The following COLEC12 variants were observed in gnomAD, a reference collection of about 807,000 sequenced individuals.
COLEC12 encodes collectin subfamily member 12.
In COLEC12, 33 loss-of-function variants were observed where a neutral mutation model predicts 71.1. The observed-to-expected ratio is 0.46, with a 90% CI of 0.35 to 0.62. The LOEUF (loss-of-function observed/expected upper bound fraction) is 0.62. Ranked by LOEUF, COLEC12 falls within the 20% of genes least tolerant of loss-of-function variation. The pLI, the probability that COLEC12 is intolerant of heterozygous loss-of-function variation, is 0.00. For synonymous variants in COLEC12, 350 were observed against 353.0 expected, an observed-to-expected ratio of 0.99 and a Z score of 0.10; for missense variants, 765 against 916.1, an observed-to-expected ratio of 0.84 and a Z score of 2.13.
chr18:337,469 G>A (rs558660981), intron 5 of COLEC12, among the ~76,000 whole-genome samples: 25 of 152,304 alleles, frequency 1.6e-4, no homozygotes, highest in Admixed American at 2.6e-4. Flanking sequence ...ATTTGCTTAC[G>A]TAAGGCTACC....
chr18:481,670 C>T (rs980597483), intron 1 of COLEC12, among the ~76,000 whole-genome samples: 12 of 152,062 alleles, frequency 7.9e-5, no homozygotes, highest in African/African-American at 2.7e-4. Context: ...TGCCATTGAA[C>T]TCCAGCCTGG....
At chr18:484,071 C>A (rs574064605) in intron 1 of COLEC12, among the ~76,000 whole-genome samples, 1 of 152,186 alleles carries the variant, frequency 6.6e-6, no homozygotes, top group Non-Finnish European at 1.5e-5. Context: ...CAAACAGCTT[C>A]AAATTTCCCA....
rs374749066 is a variant in COLEC12, at chr18:480,108, C to T, written c.58+599G>A. ...TTACAAGGACGCTTGTGATGGCTTT[C>T]AGGGCCCACCCAGGTAACCCAGGAT... On this transcript the variant is annotated intron_variant, in intron 2 of 9. Coordinates refer to ENST00000400256, the MANE Select transcript of COLEC12 (RefSeq NM_130386.3). The surrounding 1 kb of genome is among the most constrained non-coding windows in gnomAD (Gnocchi z 4.1). 6.6e-5 allele frequency among the ~76,000 whole-genome samples: 10 copies of T among 152,356 alleles called. No homozygotes were observed. In the South Asian group the frequency reaches 2.1e-3, roughly 32 times the overall value.
At position 500,449 on chromosome 18, in the gene COLEC12, C is replaced by T. The variant is rs1917800668; in HGVS notation, c.7+59G>A. The T allele has an allele frequency of 3.4e-6, 4 of 1,171,498 alleles. No individual in the cohort carries two copies. Among genetic ancestry groups the T allele is most frequent in the Non-Finnish European group, 4.2e-6 (4 of 942,622 alleles). The allele number at this position is 1,171,498 out of a possible 1,614,324, so 72.6% of individuals were successfully genotyped here. ...CGCGGGAGGCACCTCCGTGGCCTCC[C>T]GCGCGCCCCGAAGCCCGTTCCCCCC... On this transcript the variant is annotated intron_variant, in intron 1 of 9. Coordinates refer to ENST00000400256, the MANE Select transcript of COLEC12 (RefSeq NM_130386.3). This position sits in a 1 kb window ranked among gnomAD's most constrained non-coding sequence, Gnocchi z 5.3.
intron 2 of COLEC12, among the ~76,000 whole-genome samples, chr18:444,451 C>T (rs527778224): frequency 6.6e-6 from 1 of 152,036 alleles, no homozygotes; most frequent in Non-Finnish European, 1.5e-5. Context: ...AAATTCTATA[C>T]CATCAGTACT....
At chr18:333,495 T>G (rs1173291111) in intron 6 of COLEC12, 2 of 167,118 alleles carry the variant, frequency 1.2e-5, no homozygotes, top group African/African-American at 2.4e-5. Flanking sequence ...CCAGGAACAC[T>G]TGGATGTGAG....
chr18:341,860 T>A (rs1401436373), intron 5 of COLEC12, among the ~76,000 whole-genome samples: 1 of 152,166 alleles, frequency 6.6e-6, no homozygotes, highest in Non-Finnish European at 1.5e-5. Flanking sequence ...TCATTAAATC[T>A]GATGACTCTC....
chr18:404,237 T>C (rs552235239), intron 2 of COLEC12, among the ~76,000 whole-genome samples: 1 of 152,302 alleles, frequency 6.6e-6, no homozygotes, highest in South Asian at 2.1e-4. Flanking sequence ...CAATTGTTTT[T>C]CAAAGTTTGG....
intron 2 of COLEC12, among the ~76,000 whole-genome samples, chr18:397,139 T>C (rs1915588708): frequency 6.6e-6 from 1 of 152,196 alleles, no homozygotes; most frequent in South Asian, 2.1e-4. Context: ...GTCCTTCTGA[T>C]TTGTACAGTA....
intron 2 of COLEC12, among the ~76,000 whole-genome samples, chr18:361,869 A>T (rs1914751835): frequency 6.6e-6 from 1 of 152,158 alleles, no homozygotes; most frequent in Non-Finnish European, 1.5e-5. Context: ...TTTTTGGACC[A>T]TGCTGGGTGA....
At chr18:491,141 G>T (rs1245076104) in intron 1 of COLEC12, among the ~76,000 whole-genome samples, 1 of 152,188 alleles carries the variant, frequency 6.6e-6, no homozygotes, top group Admixed American at 6.5e-5. Context: ...GCAGGTCCTT[G>T]CCCCTGTATC....
intron 2 of COLEC12, among the ~76,000 whole-genome samples, chr18:404,571 C>T (rs1318678261): frequency 6.6e-6 from 1 of 152,152 alleles, no homozygotes; most frequent in Admixed American, 6.5e-5. Context: ...ACGGAGGGAC[C>T]AGCTGGAGCC....
At chr18:439,716 G>GA (rs1156439779) in intron 2 of COLEC12, among the ~76,000 whole-genome samples, 22 of 151,910 alleles carry the variant, frequency 1.4e-4, no homozygotes, top group African/African-American at 4.1e-4. Flanking sequence ...GTAGAGAAAA[G>GA]AAAAAACCTT....
intron 2 of COLEC12, among the ~76,000 whole-genome samples, chr18:407,952 G>A (rs1915822077): frequency 6.6e-6 from 1 of 152,212 alleles, no homozygotes; most frequent in Non-Finnish European, 1.5e-5. Flanking sequence ...AGCTCCCCAG[G>A]TGATCTGGAT....
At chr18:321,199 C>A (rs1045559709) in intron 9 of COLEC12, among the ~76,000 whole-genome samples, 2 of 152,174 alleles carry the variant, frequency 1.3e-5, no homozygotes, top group African/African-American at 4.8e-5. Flanking sequence ...GGATTACAGG[C>A]ATGCGCCACC....
rs931531065 is a variant in COLEC12 at position 399,190 on chromosome 18, C to A, written c.59-41668G>T. ...CCAATCTGAAACACTATCCAAAAAA[C>A]GCACAGCGGTGTCTGAAGTTGAGAT... On this transcript the variant is annotated intron_variant, in intron 2 of 9. Transcript: ENST00000400256. This position sits in a 1 kb window ranked among gnomAD's most constrained non-coding sequence, Gnocchi z 4.0. Among the ~76,000 whole-genome samples the A allele has an allele frequency of 6.6e-6, 1 of 152,228 alleles. No homozygotes were observed. The highest frequency in any genetic ancestry group is 1.5e-5 in the Non-Finnish European group (1 of 68,038).
intron 1 of COLEC12, among the ~76,000 whole-genome samples, chr18:482,514 C>T (rs1243207825): frequency 4.6e-5 from 7 of 152,208 alleles, no homozygotes; most frequent in Non-Finnish European, 1.0e-4. Context: ...CTTTCTCTCA[C>T]AGGCAACTCA....
At chr18:348,693 T>C (rs751670552) in intron 3 of COLEC12, among the ~76,000 whole-genome samples, 3 of 152,232 alleles carry the variant, frequency 2.0e-5, no homozygotes, top group Admixed American at 6.5e-5. Flanking sequence ...CTTTCTGTTA[T>C]GAGTTCCACC....
rs540706096 is a variant in COLEC12 at position 346,895 on chromosome 18, T to C, written c.727A>G (p.Asn243Asp). The C allele has an allele frequency of 3.7e-6, 6 of 1,614,188 alleles. No homozygotes were observed. In the East Asian group the frequency reaches 1.3e-4, roughly 36 times the overall value. ...AIQRIKNDFQ[N>D]LQQVFLQAKK... is the part of the protein sequence containing the mutation. ...GCTTGAAGAAAAACCTGCTGCAGATTTTGAAAGTCGTTCTTGATTCGCTGG... is the reference window on the plus strand; with the variant it reads ...GCTTGAAGAAAAACCTGCTGCAGATCTTGAAAGTCGTTCTTGATTCGCTGG... The change falls in exon 5 of 10, where the codon AAT becomes GAT. Residue 243 changes from asparagine (N) to aspartate (D), a missense_variant. Transcript: ENST00000400256. The surrounding 1 kb of genome is among the most constrained non-coding windows in gnomAD (Gnocchi z 4.0).
Sources: gnomAD v4.1 joint callset for allele counts (sites outside exome capture counted in the v4.1 genomes callset) on GRCh38, gnomAD v4.1.1 for gene constraint, Gnocchi (gnomAD v3.1) non-coding constraint, MANE v1.5 for transcripts, NCBI Gene and HGNC (gene_info 2026-07-23, HGNC 2026-07-21) for gene names.